KCNQ5: variants seen among roughly 807,000 people sequenced by gnomAD.
KCNQ5 encodes potassium voltage-gated channel subfamily KQT member 5.
Under a neutral mutation model 98.2 loss-of-function variants are expected in KCNQ5, and 30 were observed. The ratio of observed to expected loss-of-function variants is 0.31; its 90% CI spans 0.23 to 0.41. KCNQ5 has a LOEUF of 0.41. KCNQ5 is among the 10% of genes least tolerant of loss of function. The pLI is 1.00. For missense variants in KCNQ5, 835 were observed against 1,182.5 expected (o/e 0.71, Z 4.31); for synonymous variants, 458 against 449.4 (o/e 1.02, Z -0.24).
chr6:72,669,910 CTT>C (rs541665177), intron 1 of KCNQ5, among the ~76,000 whole-genome samples: 18 of 134,932 alleles, frequency 1.3e-4, no homozygotes, highest in Admixed American at 3.0e-4. Context: ...ACTTTCTTTC[CTT>C]TTTTTTTTTT....
intron 10 of KCNQ5, among the ~76,000 whole-genome samples, chr6:73,155,548 G>C (rs994307626): frequency 6.6e-6 from 1 of 152,186 alleles, no homozygotes; most frequent in Non-Finnish European, 1.5e-5. Flanking sequence ...ATTATAAGAT[G>C]AGGCTGAATG....
chr6:72,816,010 GA>G (rs949785830), intron 1 of KCNQ5, among the ~76,000 whole-genome samples: 44 of 152,178 alleles, frequency 2.9e-4, no homozygotes, highest in Non-Finnish European at 4.0e-4. Flanking sequence ...AAATGCCTGA[GA>G]ACAGAGGCTT....
At chr6:72,631,783 T>A (rs1486916650) in intron 1 of KCNQ5, among the ~76,000 whole-genome samples, 1 of 152,208 alleles carries the variant, frequency 6.6e-6, no homozygotes, top group Non-Finnish European at 1.5e-5. Flanking sequence ...AATACAAGGC[T>A]AAAAGGAAAA....
At chr6:72,854,012 T>C (rs1398347151) in intron 1 of KCNQ5, among the ~76,000 whole-genome samples, 1 of 152,190 alleles carries the variant, frequency 6.6e-6, no homozygotes, top group Non-Finnish European at 1.5e-5. Flanking sequence ...ACAGGGACCA[T>C]GACAGACCAA....
intron 5 of KCNQ5, among the ~76,000 whole-genome samples, chr6:73,080,623 C>T (rs141642162): frequency 1.4e-4 from 22 of 152,116 alleles, no homozygotes; most frequent in South Asian, 2.1e-4. Flanking sequence ...GTTAAAATTG[C>T]GCATGTTGCA....
chr6:73,137,397 A>C (rs1776515935), intron 10 of KCNQ5, among the ~76,000 whole-genome samples: 2 of 152,316 alleles, frequency 1.3e-5, no homozygotes, highest in South Asian at 4.1e-4. Flanking sequence ...TAAAGGACTG[A>C]TGTGGTGTTA....
intron 1 of KCNQ5, among the ~76,000 whole-genome samples, chr6:72,875,823 T>C (rs917769998): frequency 5.3e-5 from 8 of 152,198 alleles, no homozygotes; most frequent in African/African-American, 1.9e-4. Flanking sequence ...AATAAACAAA[T>C]ATTAATTTTT....
At position 72,815,072 on chromosome 6, in the gene KCNQ5, AT is replaced by A. The variant is rs931267437; in HGVS notation, c.399-188828del. Among the ~76,000 whole-genome samples, 4 of 151,976 alleles carry A rather than the reference AT, an allele frequency of 2.6e-5. No homozygotes were observed. The East Asian group carries it at 5.8e-4, about 22-fold the overall frequency. On this transcript the variant is annotated intron_variant, in intron 1 of 13. Transcript: ENST00000370398. The stretch of plus-strand genomic sequence containing the variant: ...GAAATATGGGATTCAGTTTGGGATA[AT>A]TTTTTTTGAAGTCCTATATGAATGT...
At chr6:72,861,611 T>C (rs936298215) in intron 1 of KCNQ5, among the ~76,000 whole-genome samples, 1 of 152,128 alleles carries the variant, frequency 6.6e-6, no homozygotes, top group Non-Finnish European at 1.5e-5. Flanking sequence ...AATGACTTGA[T>C]TGTAAACAGA....
chr6:72,809,254 A>T (rs1354469065), intron 1 of KCNQ5, among the ~76,000 whole-genome samples: 2 of 62,596 alleles, frequency 3.2e-5, no homozygotes, highest in Non-Finnish European at 5.9e-5. Flanking sequence ...GGGTGGGGGG[A>T]GGGGGGAGGG....
chr6:72,831,582 G>A (rs1050409138), intron 1 of KCNQ5, among the ~76,000 whole-genome samples: 2 of 148,386 alleles, frequency 1.3e-5, no homozygotes, highest in African/African-American at 2.5e-5. Flanking sequence ...CCTGTCGTGG[G>A]ATGCAGGGAG....
intron 1 of KCNQ5, among the ~76,000 whole-genome samples, chr6:72,840,676 G>C (rs1352204125): frequency 6.6e-6 from 1 of 152,156 alleles, no homozygotes; most frequent in Admixed American, 6.5e-5. Flanking sequence ...TCAATTAGGA[G>C]CTTACTCTTC....
At chr6:73,074,676 T>C (rs989756643) in intron 3 of KCNQ5, among the ~76,000 whole-genome samples, 2 of 152,092 alleles carry the variant, frequency 1.3e-5, no homozygotes, top group Non-Finnish European at 2.9e-5. Flanking sequence ...TCTGCCTCGC[T>C]TTTTTCATCT....
At chr6:72,945,607 A>G (rs1261241289) in intron 1 of KCNQ5, among the ~76,000 whole-genome samples, 1 of 151,576 alleles carries the variant, frequency 6.6e-6, no homozygotes, top group East Asian at 1.9e-4. Flanking sequence ...AGTGCAGGCC[A>G]CCATGCCTGG....
intron 1 of KCNQ5, among the ~76,000 whole-genome samples, chr6:73,002,701 A>G (rs564395111): frequency 1.9e-4 from 29 of 152,336 alleles, no homozygotes; most frequent in Middle Eastern, 3.4e-3. Context: ...TGACCCTGTT[A>G]TAACTACTCA....
chr6:73,043,390 C>G (rs762562109), intron 3 of KCNQ5: 36 of 158,100 alleles, frequency 2.3e-4, no homozygotes, highest in South Asian at 1.5e-3. Flanking sequence ...CAATAATAGG[C>G]TTTACTGCTT....
intron 2 of KCNQ5, among the ~76,000 whole-genome samples, chr6:73,024,383 A>ATAGATAGATAGATTAGATAGC (rs1292915360): frequency 6.7e-6 from 1 of 149,568 alleles, no homozygotes; most frequent in Non-Finnish European, 1.5e-5. Flanking sequence ...TAGATAGATG[A>ATAGATAGATAGATTAGATAGC]TAGATAGATA....
intron 1 of KCNQ5, chr6:72,987,293 G>A: frequency 1.4e-6 from 1 of 696,076 alleles, no homozygotes; most frequent in Non-Finnish European, 2.7e-6. Flanking sequence ...TAGAGGTGGT[G>A]TTGGAAAAGA....
intron 1 of KCNQ5, among the ~76,000 whole-genome samples, chr6:72,769,180 TA>T (rs1415617237): frequency 6.6e-6 from 1 of 152,102 alleles, no homozygotes; most frequent in Non-Finnish European, 1.5e-5. Flanking sequence ...TATCATGCCA[TA>T]CCAATACATG....
Sources: gnomAD v4.1 joint callset for allele counts (sites outside exome capture counted in the v4.1 genomes callset) on GRCh38, gnomAD v4.1.1 for gene constraint, MANE v1.5 for transcripts, NCBI Gene and HGNC (gene_info 2026-07-23, HGNC 2026-07-21) for gene names.